The following BLZF1 variants were observed in gnomAD, a reference collection of about 807,000 sequenced individuals.
BLZF1 encodes the protein golgin-45.
Under a neutral mutation model 43.8 loss-of-function variants are expected in BLZF1, and 39 were observed. That is an observed-to-expected ratio of 0.89 (90% confidence interval 0.69 to 1.16). The LOEUF (loss-of-function observed/expected upper bound fraction) is 1.16, where lower values mean the gene tolerates loss of function less well. Ranked by LOEUF, BLZF1 falls within the 50% of genes most tolerant of loss-of-function variation. BLZF1 has a pLI of 0.00. For synonymous variants in BLZF1, 136 were observed against 159.4 expected (o/e 0.85, Z 1.11); for missense variants, 449 against 469.8 (o/e 0.96, Z 0.41).
Position 169,387,307 on chromosome 1 carries a change from C to A in BLZF1, c.*125C>A. ...TTCCTATTTACATAATGTATACACC[C>A]AAAGATATTTTATGTACTAGACTCC... On this transcript the variant is annotated 3_prime_UTR_variant, in exon 7 of 7. Coordinates refer to ENST00000367808, the MANE Select transcript of BLZF1 (RefSeq NM_001320973.2). 2 of 825,216 alleles carry A rather than the reference C, an allele frequency of 2.4e-6. No individual in the cohort carries two copies. Among genetic ancestry groups the A allele is most frequent in the Non-Finnish European group, 1.8e-6 (1 of 541,980 alleles). 51.1% of individuals were successfully genotyped at this position (825,216 alleles called of 1,614,324 possible).
At chr1:169,383,526 C>T (rs1176267216) in intron 6 of BLZF1, among the ~76,000 whole-genome samples, 1 of 152,182 alleles carries the variant, frequency 6.6e-6, no homozygotes, top group African/African-American at 2.4e-5. Context: ...TACTTAAACA[C>T]CATCCATTCC....
At chr1:169,381,528 C>T (rs1365782036) in intron 5 of BLZF1, among the ~76,000 whole-genome samples, 1 of 152,092 alleles carries the variant, frequency 6.6e-6, no homozygotes, top group Non-Finnish European at 1.5e-5. Context: ...GAAACAATTT[C>T]CAGCTCATTT....
chr1:169,387,459 A>T lies in BLZF1; in HGVS notation c.*277A>T. On this transcript the variant is annotated 3_prime_UTR_variant, in exon 7 of 7. Transcript: ENST00000367808. ...TCCTAAAAGACTCTAAAAGAAAAAG[A>T]TTCTGTAACTCTCTTTTAGCACCAA... The T allele has an allele frequency of 4.0e-6, 1 of 252,250 alleles. No homozygotes were observed. Among genetic ancestry groups the T allele is most frequent in the Non-Finnish European group, 7.4e-6 (1 of 135,614 alleles). The allele number at this position is 252,250 out of a possible 1,614,324, so 15.6% of individuals were successfully genotyped here.
chr1:169,391,494 G>A (rs1349462657), downstream of BLZF1, among the ~76,000 whole-genome samples: 1 of 152,156 alleles, frequency 6.6e-6, no homozygotes, highest in Admixed American at 6.5e-5. Flanking sequence ...CCAAACTGAG[G>A]TTTGGGCTGC....
chr1:169,373,979 A>G (rs938763270), intron 2 of BLZF1, among the ~76,000 whole-genome samples: 1 of 152,136 alleles, frequency 6.6e-6, no homozygotes, highest in Non-Finnish European at 1.5e-5. Flanking sequence ...TATAGTTAAT[A>G]CATGATTCTG....
chr1:169,393,509 G>A (rs111717694), intron 7 of BLZF1, among the ~76,000 whole-genome samples: 1 of 151,366 alleles, frequency 6.6e-6, no homozygotes, highest in Non-Finnish European at 1.5e-5. Context: ...AGAATCACTT[G>A]AACCCGGGAG....
intron 2 of BLZF1, 103 bp from the exon 3 acceptor site, chr1:169,376,437 C>A (rs957475970): frequency 6.3e-6 from 6 of 948,312 alleles, no homozygotes; most frequent in Admixed American, 3.7e-5. Flanking sequence ...TTTTTGCATT[C>A]TTTTTAGTGC....
chr1:169,375,053 T>G (rs1405450390), intron 2 of BLZF1, among the ~76,000 whole-genome samples: 2 of 151,990 alleles, frequency 1.3e-5, no homozygotes, highest in African/African-American at 4.8e-5. Context: ...CCCATTAATT[T>G]TATGCTTGGG....
At chr1:169,384,231 A>G (rs1654606203) in intron 6 of BLZF1, among the ~76,000 whole-genome samples, 1 of 152,174 alleles carries the variant, frequency 6.6e-6, no homozygotes, top group African/African-American at 2.4e-5. Flanking sequence ...ATTTCTCAAT[A>G]AATGGTAGCT....
intron 6 of BLZF1, among the ~76,000 whole-genome samples, chr1:169,386,249 T>C (rs1188929445): frequency 6.6e-6 from 1 of 152,070 alleles, no homozygotes; most frequent in Non-Finnish European, 1.5e-5. Flanking sequence ...TGAAAAGCCA[T>C]TGATACTACA....
chr1:169,375,151 T>C (rs1654257595), intron 2 of BLZF1, among the ~76,000 whole-genome samples: 1 of 151,348 alleles, frequency 6.6e-6, no homozygotes, highest in African/African-American at 2.4e-5. Context: ...TAGTGAAAAA[T>C]TGTAAAGAGT....
intron 4 of BLZF1, among the ~76,000 whole-genome samples, chr1:169,379,629 A>G (rs1654464143): frequency 6.6e-6 from 1 of 152,010 alleles, no homozygotes; most frequent in South Asian, 2.1e-4. Context: ...GTAATCTTCT[A>G]ATGTCAACAT....
At chr1:169,383,012 T>G (rs1354163263) in intron 6 of BLZF1, among the ~76,000 whole-genome samples, 5 of 148,840 alleles carry the variant, frequency 3.4e-5, no homozygotes, top group African/African-American at 1.3e-4. Context: ...GCTCACTCTT[T>G]TAGTTTCTCT....
chr1:169,384,621 C>T (rs1211887715), intron 6 of BLZF1, among the ~76,000 whole-genome samples: 2 of 152,188 alleles, frequency 1.3e-5, no homozygotes, highest in Non-Finnish European at 2.9e-5. Flanking sequence ...TCATGATGCA[C>T]ATAGGCCATT....
chr1:169,392,085 T>C (rs1654827084), downstream of BLZF1, among the ~76,000 whole-genome samples: 1 of 152,226 alleles, frequency 6.6e-6, no homozygotes. Context: ...ACAGTCGTTA[T>C]GGAGGCCTGC....
chr1:169,388,964 A>T (rs1240627081), downstream of BLZF1, among the ~76,000 whole-genome samples: 1 of 152,130 alleles, frequency 6.6e-6, no homozygotes, highest in Non-Finnish European at 1.5e-5. Context: ...TCTACTAAAA[A>T]TACAAAAAAT....
chr1:169,371,382 T>C (rs1654113705), intron 2 of BLZF1, among the ~76,000 whole-genome samples: 1 of 152,368 alleles, frequency 6.6e-6, no homozygotes, highest in East Asian at 1.9e-4. Flanking sequence ...TACTTGTTTT[T>C]AATGAGGATT....
intron 6 of BLZF1, among the ~76,000 whole-genome samples, chr1:169,385,296 C>T (rs1416328100): frequency 6.6e-6 from 1 of 152,128 alleles, no homozygotes; most frequent in African/African-American, 2.4e-5. Flanking sequence ...CTTTTCAGTC[C>T]CATTGCTTCA....
chr1:169,392,003 T>C (rs1390623366), downstream of BLZF1, among the ~76,000 whole-genome samples: 1 of 151,534 alleles, frequency 6.6e-6, no homozygotes, highest in Non-Finnish European at 1.5e-5. Flanking sequence ...TGATGGGCTT[T>C]TGTGGCATCC....
Sources: allele counts gnomAD v4.1 joint callset (sites outside exome capture counted in the v4.1 genomes callset), GRCh38; gene constraint gnomAD v4.1.1; transcripts MANE v1.5; gene names NCBI Gene and HGNC (gene_info 2026-07-23, HGNC 2026-07-21).